Variants in VBP1 observed in about 807,000 individuals in gnomAD.
VBP1 encodes the protein prefoldin subunit 3.
In VBP1, 4 loss-of-function variants were observed where a neutral mutation model predicts 15.5. The observed-to-expected ratio is 0.26, with a 90% CI of 0.13 to 0.59. The LOEUF is 0.59. VBP1 is among the 20% of genes least tolerant of loss of function. The pLI is 0.90. For synonymous variants in VBP1, 61 were observed against 52.1 expected (o/e 1.17, Z -0.74); for missense variants, 108 against 139.6 (o/e 0.77, Z 1.14).
At position 155,230,656 on chromosome X, in the gene VBP1, A is replaced by C. The variant is rs991566023; in HGVS notation, c.384+2174A>C. Among the ~76,000 whole-genome samples the C allele has an allele frequency of 8.2e-5, 9 of 109,794 alleles. No homozygotes were observed. In the Admixed American group the frequency reaches 8.7e-4, roughly 11 times the overall value. On this transcript the variant is annotated intron_variant, in intron 4 of 5. Coordinates refer to ENST00000286428, the MANE Select transcript of VBP1 (RefSeq NM_003372.7). The stretch of plus-strand genomic sequence containing the variant: ...TTCTTTGAGTGGCTGACAAGTTCCT[A>C]TACATCCTGGTACTCTCTGTTACTT...
chrX:155,218,506 G>C (rs2074675067), intron 1 of VBP1, among the ~76,000 whole-genome samples: 1 of 111,489 alleles, frequency 9.0e-6, no homozygotes, highest in Non-Finnish European at 1.9e-5. Context: ...TTAGAAGTCA[G>C]ACCCAGTCCA....
intron 2 of VBP1, among the ~76,000 whole-genome samples, chrX:155,223,807 G>C (rs2074703590): frequency 9.2e-6 from 1 of 108,782 alleles, no homozygotes; most frequent in Non-Finnish European, 1.9e-5. Flanking sequence ...CCCGGACGGG[G>C]CGGCTGGCCG....
chrX:155,219,279 CTCTTT>C (rs1173308025), intron 1 of VBP1, among the ~76,000 whole-genome samples: 1 of 112,299 alleles, frequency 8.9e-6, no homozygotes, highest in Non-Finnish European at 1.9e-5. Context: ...CTTGTAGCAT[CTCTTT>C]TAAGTTTCAT....
intron 1 of VBP1, among the ~76,000 whole-genome samples, chrX:155,197,749 CAG>C (rs2033460329): frequency 8.9e-6 from 1 of 112,060 alleles, no homozygotes; most frequent in Non-Finnish European, 1.9e-5. Flanking sequence ...GAGTGCCAGA[CAG>C]TGGGCACAGG....
upstream of VBP1, among the ~76,000 whole-genome samples, chrX:155,215,852 G>A (rs1557308958): frequency 8.9e-6 from 1 of 112,172 alleles, no homozygotes; most frequent in African/African-American, 3.2e-5. Flanking sequence ...TTTGTATGTA[G>A]ACTATGAAGT....
At chrX:155,197,672 C>G (rs1421558493) in intron 1 of VBP1, among the ~76,000 whole-genome samples, 1 of 111,878 alleles carries the variant, frequency 8.9e-6, no homozygotes, top group Non-Finnish European at 1.9e-5. Flanking sequence ...CAGCTCTGAG[C>G]GTGAGTGACG....
intron 1 of VBP1, among the ~76,000 whole-genome samples, chrX:155,204,530 T>G (rs2074619953): frequency 8.9e-6 from 1 of 111,987 alleles, no homozygotes; most frequent in Admixed American, 9.5e-5. Context: ...ACAGATATTT[T>G]TAAATGGAAG....
At chrX:155,221,947 C>T (rs1347096266) in intron 2 of VBP1, among the ~76,000 whole-genome samples, 2 of 112,016 alleles carry the variant, frequency 1.8e-5, no homozygotes, top group African/African-American at 6.5e-5. Flanking sequence ...AGTGTGCTCT[C>T]GTTTTGGAAA....
At chrX:155,198,721 C>T (rs782140843) in intron 1 of VBP1, among the ~76,000 whole-genome samples, 11 of 110,280 alleles carry the variant, frequency 1.0e-4, no homozygotes, top group Admixed American at 2.9e-4. Context: ...TCCAAAGGAA[C>T]GCAGTTCCTC....
chrX:155,225,532 G>A (rs2074715566), intron 2 of VBP1, among the ~76,000 whole-genome samples: 1 of 112,064 alleles, frequency 8.9e-6, no homozygotes, highest in Admixed American at 9.4e-5. Flanking sequence ...AGCAGGGTAG[G>A]GAGGAGTGTA....
At chrX:155,211,822 T>G (rs2074646070), upstream of VBP1, among the ~76,000 whole-genome samples, 1 of 112,131 alleles carries the variant, frequency 8.9e-6, no homozygotes, top group South Asian at 3.7e-4. Flanking sequence ...GAGCAGGCTG[T>G]GTGATTTCTC....
chrX:155,197,707 T>A (rs1247007590), intron 1 of VBP1, among the ~76,000 whole-genome samples: 1 of 112,000 alleles, frequency 8.9e-6, no homozygotes, highest in African/African-American at 3.2e-5. Context: ...TTTCTGCATT[T>A]CCATCTGAGG....
upstream of VBP1, among the ~76,000 whole-genome samples, chrX:155,215,691 C>A (rs781925957): frequency 8.9e-6 from 1 of 112,080 alleles, no homozygotes; most frequent in East Asian, 2.8e-4. Flanking sequence ...CACTGCCTCA[C>A]TGGGAAACAC....
chrX:155,229,403 G>A (rs1319203394), intron 4 of VBP1, among the ~76,000 whole-genome samples: 3 of 112,413 alleles, frequency 2.7e-5, no homozygotes, highest in Admixed American at 9.4e-5. Context: ...TTTATTTCAG[G>A]AAAGATAATT....
intron 2 of VBP1, among the ~76,000 whole-genome samples, chrX:155,223,376 T>A (rs2074700325): frequency 9.2e-6 from 1 of 108,259 alleles, no homozygotes; most frequent in African/African-American, 3.4e-5. Context: ...CCTGGGTACT[T>A]GAGATTAGGG....
chrX:155,202,161 G>A (rs74571262), intron 1 of VBP1, among the ~76,000 whole-genome samples: 4 of 111,478 alleles, frequency 3.6e-5, no homozygotes, highest in African/African-American at 6.5e-5. Flanking sequence ...GGAAGAATCA[G>A]TATTGTGAAA....
chrX:155,228,363 A>ATTTTTTTTTTTTT, intron 3 of VBP1, 21 bp from the exon 4 acceptor site: 1 of 943,337 alleles, frequency 1.1e-6, no homozygotes, highest in Non-Finnish European at 1.4e-6. Context: ...TGGTACTGTC[A>ATTTTTTTTTTTTT]TTTTTTTTTT....
At chrX:155,223,173 A>G (rs1300762339) in intron 2 of VBP1, among the ~76,000 whole-genome samples, 10 of 71,867 alleles carry the variant, frequency 1.4e-4, no homozygotes, top group South Asian at 8.0e-4. Flanking sequence ...ATTTCTGTTC[A>G]TAAGTGAGTT....
chrX:155,224,416 A>C (rs781834578), intron 2 of VBP1, among the ~76,000 whole-genome samples: 4 of 113,040 alleles, frequency 3.5e-5, no homozygotes, highest in Admixed American at 2.8e-4. Flanking sequence ...CCCGGCCAAC[A>C]CAGCGAAACC....
Sources: allele counts gnomAD v4.1 joint callset (sites outside exome capture counted in the v4.1 genomes callset), GRCh38; gene constraint gnomAD v4.1.1; transcripts MANE v1.5; gene names NCBI Gene and HGNC (gene_info 2026-07-23, HGNC 2026-07-21).